HEY2: variants seen among roughly 807,000 people sequenced by gnomAD.
HEY2 encodes hes related family bHLH transcription factor with YRPW motif 2.
In HEY2, 10 loss-of-function variants were observed where a neutral mutation model predicts 18.1. That is an observed-to-expected ratio of 0.55 (90% CI 0.34 to 0.94). HEY2 has a LOEUF of 0.94. Ranked by LOEUF, HEY2 falls within the 40% of genes least tolerant of loss-of-function variation. The pLI, the probability that HEY2 is intolerant of heterozygous loss-of-function variation, is 0.02. For synonymous variants in HEY2, 210 were observed against 182.7 expected (o/e 1.15, Z -1.21); for missense variants, 455 against 455.9 (o/e 1.00, Z 0.02).
intron 4 of HEY2, among the ~76,000 whole-genome samples, chr6:125,758,759 T>G (rs1249960999): frequency 6.6e-6 from 1 of 152,202 alleles, no homozygotes; most frequent in Non-Finnish European, 1.5e-5. Context: ...CCTGGAGAAT[T>G]TCACTATCCC....
Position 125,759,969 on chromosome 6 carries a change from T to C in HEY2, c.*167T>C. On this transcript the variant is annotated 3_prime_UTR_variant, in exon 5 of 5. Coordinates refer to ENST00000368364, the MANE Select transcript of HEY2 (RefSeq NM_012259.3). ...CGAGTGGAAATGTGGTATTCTCTTT[T>C]TTTTCTCTCCCTTTTTTGTTTGGTT... 3.1e-6 allele frequency: 2 copies of C among 652,466 alleles called. No individual in the cohort carries two copies. Among genetic ancestry groups the C allele is most frequent in the South Asian group, 2.0e-5 (1 of 49,958 alleles). 40.4% of individuals were successfully genotyped at this position (652,466 alleles called of 1,614,324 possible).
intron 4 of HEY2, among the ~76,000 whole-genome samples, chr6:125,755,215 G>A (rs1773631606): frequency 6.6e-6 from 1 of 152,062 alleles, no homozygotes; most frequent in African/African-American, 2.4e-5. Context: ...CCTCTGTACT[G>A]GATAGTGACT....
intron 1 of HEY2, 46 bp from the exon 2 acceptor site, chr6:125,751,753 CTA>C: frequency 8.0e-7 from 1 of 1,256,228 alleles, no homozygotes; most frequent in South Asian, 1.2e-5. Context: ...CCAGAAGAAA[CTA>C]TTGTTATGTT....
chr6:125,749,926 C>T, intron 1 of HEY2, 67 bp downstream of exon 1: 1 of 1,282,284 alleles, frequency 7.8e-7, no homozygotes, highest in Non-Finnish European at 1.1e-6. Context: ...GAATGCGTGG[C>T]TCCCTGGAAA....
rs139845453 is a variant in HEY2 at position 125,759,769 on chromosome 6, C to T, written c.981C>T (p.Tyr327=). 908 of 1,613,966 alleles carry T rather than the reference C, an allele frequency of 5.6e-4. 4 individuals are homozygous for T. In the African/African-American group the frequency reaches 0.011, roughly 19 times the overall value. The change falls in exon 5 of 5, where the codon TAC becomes TAT. Residue 327 remains tyrosine (Y), a synonymous_variant. Transcript: ENST00000368364. The part of the protein sequence containing the change: ...QTSSGTNNKP[Y]RPWGTEVGAF ...GCAGTGGAACAAACAATAAACCTTA[C>T]CGACCCTGGGGGACAGAAGTTGGAG...
At chr6:125,754,927 C>T (rs114390110) in intron 4 of HEY2, among the ~76,000 whole-genome samples, 2,009 of 152,306 alleles carry the variant, frequency 0.013, 27 homozygotes, top group East Asian at 0.04. Context: ...TAATCCTTTT[C>T]TCCTCCTTCT....
intron 3 of HEY2, among the ~76,000 whole-genome samples, chr6:125,753,641 A>T (rs1195725569): frequency 1.3e-5 from 2 of 152,212 alleles, no homozygotes; most frequent in Non-Finnish European, 2.9e-5. Context: ...AGTCCCCGAG[A>T]CAGCTTGAAA....
chr6:125,755,014 C>T (rs1773628389), intron 4 of HEY2, among the ~76,000 whole-genome samples: 1 of 152,126 alleles, frequency 6.6e-6, no homozygotes, highest in Non-Finnish European at 1.5e-5. Flanking sequence ...TCAGCTATTC[C>T]AAAGGAATTG....
Position 125,749,763 on chromosome 6 carries a change from C to G in HEY2, c.-14C>G. ...GCTTCCGGCCGGGCTGTGCCCCGCG[C>G]GGTCTTCGCCGGGATGAAGCGCCCC... On this transcript the variant is annotated 5_prime_UTR_variant, in exon 1 of 5. Transcript: ENST00000368364. The G allele has an allele frequency of 1.9e-6, 3 of 1,558,500 alleles. No individual in the cohort carries two copies. Among genetic ancestry groups the G allele is most frequent in the Non-Finnish European group, 2.6e-6 (3 of 1,152,040 alleles).
intron 4 of HEY2, among the ~76,000 whole-genome samples, chr6:125,756,742 C>A (rs775884892): frequency 6.6e-6 from 1 of 152,142 alleles, no homozygotes; most frequent in Non-Finnish European, 1.5e-5. Context: ...CAAATTACCC[C>A]CTGCGAGCTG....
Position 125,749,759 on chromosome 6 carries a change from C to A in HEY2, c.-18C>A, listed in dbSNP as rs551103342. On this transcript the variant is annotated 5_prime_UTR_variant, in exon 1 of 5. Coordinates refer to ENST00000368364, the MANE Select transcript of HEY2 (RefSeq NM_012259.3). ...CCGAGCTTCCGGCCGGGCTGTGCCC[C>A]GCGCGGTCTTCGCCGGGATGAAGCG... 4.5e-6 allele frequency: 7 copies of A among 1,554,980 alleles called. No individual in the cohort carries two copies. The highest frequency in any genetic ancestry group is 3.8e-5 in the Admixed American group (2 of 52,274).
intron 4 of HEY2, among the ~76,000 whole-genome samples, chr6:125,757,143 C>T (rs1773677376): frequency 1.3e-5 from 2 of 152,126 alleles, no homozygotes. Flanking sequence ...ACAATAGTAT[C>T]TAGAGAGGAT....
intron 1 of HEY2, among the ~76,000 whole-genome samples, 178 bp downstream of exon 1, chr6:125,750,037 A>G (rs1051106373): frequency 1.3e-5 from 2 of 152,116 alleles, no homozygotes; most frequent in Non-Finnish European, 2.9e-5. Context: ...GGATGGGGCA[A>G]GGGATGTGGA....
At chr6:125,752,825 A>G (rs1773580486) in intron 3 of HEY2, among the ~76,000 whole-genome samples, 1 of 152,256 alleles carries the variant, frequency 6.6e-6, no homozygotes, top group Admixed American at 6.5e-5. Context: ...TTCTAAGAGT[A>G]TCTTTCAAAG....
chr6:125,757,670 T>C (rs938409746), intron 4 of HEY2, among the ~76,000 whole-genome samples: 4 of 152,248 alleles, frequency 2.6e-5, no homozygotes, highest in African/African-American at 7.2e-5. Flanking sequence ...AAATAACTGC[T>C]GGGTGTGGTG....
chr6:125,750,420 T>C (rs1296954292), intron 1 of HEY2: 41 of 984,550 alleles, frequency 4.2e-5, no homozygotes, highest in Non-Finnish European at 4.7e-5. Context: ...TTTGACTGCT[T>C]GTTCTCAAGT....
chr6:125,749,951 T>G (rs1225318519), intron 1 of HEY2, 92 bp downstream of exon 1: 3 of 1,061,602 alleles, frequency 2.8e-6, no homozygotes, highest in African/African-American at 1.6e-5. Flanking sequence ...GAGGCTGGTC[T>G]CCGCAGCATC....
intron 4 of HEY2, among the ~76,000 whole-genome samples, chr6:125,757,395 T>C (rs2128529453): frequency 6.6e-6 from 1 of 152,386 alleles, no homozygotes; most frequent in African/African-American, 2.4e-5. Context: ...TTTTTGCTGC[T>C]GATCTTCCGT....
At chr6:125,753,086 T>C (rs1410372723) in intron 3 of HEY2, among the ~76,000 whole-genome samples, 1 of 152,198 alleles carries the variant, frequency 6.6e-6, no homozygotes, top group Non-Finnish European at 1.5e-5. Flanking sequence ...CTACTGATTA[T>C]ACATTTTTAA....
Sources: gnomAD v4.1 joint callset for allele counts (sites outside exome capture counted in the v4.1 genomes callset) on GRCh38, gnomAD v4.1.1 for gene constraint, MANE v1.5 for transcripts, NCBI Gene and HGNC (gene_info 2026-07-23, HGNC 2026-07-21) for gene names.